ATP8B4: variants seen among roughly 807,000 people sequenced by gnomAD.
The protein encoded by ATP8B4 is probable phospholipid-transporting ATPase IM.
In ATP8B4, 133 loss-of-function variants were observed where a neutral mutation model predicts 145.6. The ratio of observed to expected loss-of-function variants is 0.91; its 90% confidence interval spans 0.79 to 1.05. ATP8B4 has a LOEUF of 1.05. Ranked by LOEUF, ATP8B4 falls within the 50% of genes least tolerant of loss-of-function variation. The pLI, the probability that ATP8B4 is intolerant of heterozygous loss-of-function variation, is 0.00. For synonymous variants in ATP8B4, 507 were observed against 492.9 expected, an observed-to-expected ratio of 1.03 and a Z score of -0.38; for missense variants, 1,458 against 1,425.2, an observed-to-expected ratio of 1.02 and a Z score of -0.37.
intron 23 of ATP8B4, chr15:49,880,080 C>T (rs1005326934): frequency 6.6e-6 from 1 of 152,150 alleles, no homozygotes; most frequent in African/African-American, 2.4e-5. Context: ...CCCATTTTGC[C>T]TATGAGTACA....
Position 50,074,111 on chromosome 15 carries a change from T to C in ATP8B4, c.87+16A>G, listed in dbSNP as rs770568465. On this transcript the variant is annotated intron_variant, in intron 3 of 27. Transcript: ENST00000284509. Reference sequence around the variant, plus strand: ...GACCTATCCTAGTACGTATGTGTTATGTGTGTTTCACTTACCGCATACTGG... The same window carrying C: ...GACCTATCCTAGTACGTATGTGTTACGTGTGTTTCACTTACCGCATACTGG... The C allele has an allele frequency of 6.2e-6, 10 of 1,605,844 alleles. No individual in the cohort carries two copies. The highest frequency in any genetic ancestry group is 1.3e-5 in the African/African-American group (1 of 74,696).
intron 5 of ATP8B4, among the ~76,000 whole-genome samples, chr15:50,042,873 A>C (rs1475445562): frequency 1.3e-5 from 2 of 152,220 alleles, no homozygotes; most frequent in South Asian, 2.1e-4. Context: ...ATCTAAAAGT[A>C]GGGAGAGAAA....
intron 24 of ATP8B4, among the ~76,000 whole-genome samples, chr15:49,878,561 C>T (rs2034862401): frequency 6.6e-6 from 1 of 152,148 alleles, no homozygotes; most frequent in Admixed American, 6.5e-5. Context: ...AAATAAGACA[C>T]TCTAATTGTG....
chr15:50,066,967 C>T (rs1394783293), intron 3 of ATP8B4, among the ~76,000 whole-genome samples: 4 of 152,110 alleles, frequency 2.6e-5, no homozygotes, highest in Admixed American at 6.6e-5. Context: ...TTTCCTGAGA[C>T]GTTCCCTTCC....
intron 1 of ATP8B4, among the ~76,000 whole-genome samples, chr15:50,115,914 T>A (rs910782998): frequency 1.7e-4 from 26 of 152,174 alleles, no homozygotes; most frequent in Admixed American, 4.6e-4. Context: ...AGAAGAGGTA[T>A]CTAAGTAGAA....
chr15:50,108,171 G>C (rs1752261236), intron 1 of ATP8B4, among the ~76,000 whole-genome samples: 1 of 152,016 alleles, frequency 6.6e-6, no homozygotes, highest in South Asian at 2.1e-4. Flanking sequence ...CTGCCAGCAA[G>C]GCTGCCCAAG....
At chr15:49,945,818 C>G (rs2042516693) in intron 14 of ATP8B4, among the ~76,000 whole-genome samples, 1 of 152,024 alleles carries the variant, frequency 6.6e-6, no homozygotes, top group Admixed American at 6.6e-5. Flanking sequence ...AAAAGAAACT[C>G]TCAACAAAAA....
intron 14 of ATP8B4, among the ~76,000 whole-genome samples, chr15:49,936,277 C>A (rs953630973): frequency 6.6e-6 from 1 of 152,110 alleles, no homozygotes; most frequent in African/African-American, 2.4e-5. Flanking sequence ...TGTTTCCTCA[C>A]CCCATGCCAC....
intron 1 of ATP8B4, among the ~76,000 whole-genome samples, chr15:50,134,005 C>A (rs1206771347): frequency 3.9e-5 from 6 of 152,076 alleles, no homozygotes; most frequent in African/African-American, 1.4e-4. Flanking sequence ...AAAATGGTAA[C>A]TGTGTGGTGA....
At chr15:49,913,252 C>T (rs35056130) in intron 20 of ATP8B4, among the ~76,000 whole-genome samples, 9,103 of 151,904 alleles carry the variant, frequency 0.06, 291 homozygotes, top group South Asian at 0.096. Flanking sequence ...TGATACATCA[C>T]GTCAACAAAA....
At chr15:50,026,859 C>G (rs1299024596) in intron 6 of ATP8B4, among the ~76,000 whole-genome samples, 1 of 152,128 alleles carries the variant, frequency 6.6e-6, no homozygotes, top group Admixed American at 6.5e-5. Flanking sequence ...GAAGATGGTA[C>G]TTGTGACGGA....
At chr15:50,049,639 C>T (rs115454750) in intron 3 of ATP8B4, among the ~76,000 whole-genome samples, 9,926 of 152,062 alleles carry the variant, frequency 0.065, 359 homozygotes, top group Non-Finnish European at 0.085. Context: ...TATGGTAGAA[C>T]GATTTATTTT....
chr15:49,973,615 A>C (rs536842683), intron 12 of ATP8B4, among the ~76,000 whole-genome samples: 17 of 142,882 alleles, frequency 1.2e-4, no homozygotes, highest in Admixed American at 7.1e-4. Context: ...TCACATTCTA[A>C]TTACATAATT....
intron 1 of ATP8B4, among the ~76,000 whole-genome samples, chr15:50,165,016 T>C (rs933701456): frequency 1.3e-5 from 2 of 152,140 alleles, no homozygotes; most frequent in African/African-American, 2.4e-5. Flanking sequence ...TTCAAGAGTG[T>C]CTTTCCTACC....
chr15:49,946,253 G>A (rs999515913), intron 14 of ATP8B4, among the ~76,000 whole-genome samples: 1 of 152,138 alleles, frequency 6.6e-6, no homozygotes, highest in South Asian at 2.1e-4. Context: ...CTCATCTAAA[G>A]TAACATCAAA....
chr15:50,115,896 G>A (rs953671905), intron 1 of ATP8B4, among the ~76,000 whole-genome samples: 9 of 152,168 alleles, frequency 5.9e-5, no homozygotes, highest in Admixed American at 2.0e-4. Context: ...TGCAGGTTGC[G>A]GGGAGACAGA....
chr15:49,908,778 A>C (rs1268381108), intron 20 of ATP8B4, among the ~76,000 whole-genome samples: 1 of 152,010 alleles, frequency 6.6e-6, no homozygotes, highest in Admixed American at 6.6e-5. Flanking sequence ...CACTGCCACC[A>C]CTGCCACCAT....
At chr15:50,081,106 A>C (rs184534084) in intron 2 of ATP8B4, among the ~76,000 whole-genome samples, 3,605 of 127,610 alleles carry the variant, frequency 0.028, 69 homozygotes, top group Non-Finnish European at 0.04. Flanking sequence ...GAGCGAGACT[A>C]CGTCTCAAGA....
At chr15:50,158,464 G>A (rs1302941332) in intron 1 of ATP8B4, among the ~76,000 whole-genome samples, 80 of 149,752 alleles carry the variant, frequency 5.3e-4, no homozygotes, top group African/African-American at 1.1e-3. Context: ...CCGGCCAGCC[G>A]CCCCGTCCGG....
Sources: allele counts gnomAD v4.1 joint callset (sites outside exome capture counted in the v4.1 genomes callset), GRCh38; gene constraint gnomAD v4.1.1; transcripts MANE v1.5; gene names NCBI Gene and HGNC (gene_info 2026-07-23, HGNC 2026-07-21).